The following SCP2 variants were observed in gnomAD, a reference collection of about 807,000 sequenced individuals.
The protein encoded by SCP2 is sterol carrier protein 2, also known as SCP-2/3-oxoacyl-CoA thiolase.
SCP2 carries 48 observed loss-of-function variants against 71.4 expected under a neutral mutation model. The observed-to-expected ratio is 0.67, with a 90% CI of 0.53 to 0.86. The LOEUF (loss-of-function observed/expected upper bound fraction) is 0.86. SCP2 is among the 40% of genes least tolerant of loss of function. The pLI is 0.00. For synonymous variants in SCP2, 220 were observed against 218.1 expected, an observed-to-expected ratio of 1.01 and a Z score of -0.08; for missense variants, 560 against 655.6, an observed-to-expected ratio of 0.85 and a Z score of 1.59.
chr1:53,050,012 G>A (rs1664101253), intron 15 of SCP2: 1 of 152,170 alleles, frequency 6.6e-6, no homozygotes, highest in South Asian at 2.1e-4. Context: ...TTTGTTACAT[G>A]GTAAATTTAG....
chr1:52,964,986 G>A (rs1048777154), intron 6 of SCP2, among the ~76,000 whole-genome samples: 31 of 152,054 alleles, frequency 2.0e-4, no homozygotes, highest in South Asian at 6.2e-4. Flanking sequence ...ACTCTAGCCT[G>A]GGCAACAGAG....
intron 3 of SCP2, among the ~76,000 whole-genome samples, chr1:52,950,342 G>A (rs1655178292): frequency 6.6e-6 from 1 of 152,084 alleles, no homozygotes; most frequent in Non-Finnish European, 1.5e-5. Context: ...GGATGGTTTC[G>A]ACCTCCTGAC....
chr1:52,938,403 T>C (rs1023140156), intron 1 of SCP2, among the ~76,000 whole-genome samples: 2 of 152,246 alleles, frequency 1.3e-5, no homozygotes, highest in African/African-American at 4.8e-5. Flanking sequence ...AAGCACTACA[T>C]CTTACCTAAT....
intron 6 of SCP2, among the ~76,000 whole-genome samples, chr1:52,971,705 G>A (rs957266316): frequency 1.3e-5 from 2 of 152,196 alleles, no homozygotes; most frequent in South Asian, 2.1e-4. Context: ...ACCCAGCCAG[G>A]CCTGTCCATC....
At chr1:52,950,947 A>T in intron 4 of SCP2, 61 bp downstream of exon 4, 5 of 1,505,850 alleles carry the variant, frequency 3.3e-6, no homozygotes, top group South Asian at 1.1e-5. Flanking sequence ...TAATCACACG[A>T]CCATCAGAGG....
chr1:52,942,822 C>T (rs779239589), intron 2 of SCP2, among the ~76,000 whole-genome samples: 6 of 151,450 alleles, frequency 4.0e-5, no homozygotes, highest in Non-Finnish European at 5.9e-5. Flanking sequence ...GCCTCAGCCT[C>T]CCGAGTAGCT....
intron 14 of SCP2, among the ~76,000 whole-genome samples, chr1:53,046,854 A>T (rs1663856023): frequency 6.6e-6 from 1 of 152,202 alleles, no homozygotes; most frequent in Non-Finnish European, 1.5e-5. Context: ...AGAGAACCGT[A>T]TTCATTTTCT....
chr1:52,949,903 C>G (rs1347037159), intron 3 of SCP2, among the ~76,000 whole-genome samples: 4 of 152,050 alleles, frequency 2.6e-5, no homozygotes, highest in Non-Finnish European at 5.9e-5. Context: ...ACTATTTATT[C>G]CTAATTAAAT....
chr1:52,960,480 A>ATATGTGTG (rs1287812730), intron 5 of SCP2, among the ~76,000 whole-genome samples: 4 of 139,600 alleles, frequency 2.9e-5, no homozygotes, highest in African/African-American at 1.1e-4. Flanking sequence ...TACTATGTAT[A>ATATGTGTG]TGTGTGTGTG....
At chr1:53,027,849 A>G in intron 12 of SCP2, 120 bp from the exon 13 acceptor site, 1 of 647,472 alleles carries the variant, frequency 1.5e-6, no homozygotes, top group South Asian at 1.7e-5. Context: ...TCCTTTGGAT[A>G]AGATTTGCAA....
chr1:52,948,412 G>A (rs1654995638), intron 3 of SCP2, among the ~76,000 whole-genome samples: 2 of 152,078 alleles, frequency 1.3e-5, no homozygotes, highest in African/African-American at 2.4e-5. Context: ...TTGGGAGGCC[G>A]AGGCAGGCGG....
chr1:53,014,513 A>G (rs1270444876), intron 11 of SCP2, among the ~76,000 whole-genome samples: 2 of 152,234 alleles, frequency 1.3e-5, no homozygotes, highest in African/African-American at 4.8e-5. Context: ...GAGGAAAATA[A>G]TAGGAAAAAT....
intron 6 of SCP2, among the ~76,000 whole-genome samples, chr1:52,971,761 C>T (rs777535611): frequency 1.3e-5 from 2 of 152,144 alleles, no homozygotes; most frequent in African/African-American, 2.4e-5. Context: ...TCCTTCTGGG[C>T]GTGGGGCAGG....
At chr1:53,028,629 A>G (rs972638273) in intron 13 of SCP2, among the ~76,000 whole-genome samples, 1 of 152,096 alleles carries the variant, frequency 6.6e-6, no homozygotes, top group African/African-American at 2.4e-5. Flanking sequence ...TTTTGTTTTA[A>G]CCTTTTAAAC....
Position 52,927,480 on chromosome 1 carries a change from G to A in SCP2, c.69+15G>A. ...GCATGACCAAGGTAAACCGAGCAGCGGCCCTGCTGGCCCTCTGAGGCTCGG... is the reference window on the plus strand; with the variant it reads ...GCATGACCAAGGTAAACCGAGCAGCAGCCCTGCTGGCCCTCTGAGGCTCGG... On this transcript the variant is annotated intron_variant, in intron 1 of 15. Transcript: ENST00000371514. 1 of 1,579,422 alleles carries A rather than the reference G, an allele frequency of 6.3e-7. No individual in the cohort carries two copies. Among genetic ancestry groups the A allele is most frequent in the Non-Finnish European group, 8.6e-7 (1 of 1,161,154 alleles).
At chr1:52,944,242 T>C (rs1368211820) in intron 2 of SCP2, among the ~76,000 whole-genome samples, 1 of 152,216 alleles carries the variant, frequency 6.6e-6, no homozygotes, top group Non-Finnish European at 1.5e-5. Context: ...GTTTATTCCT[T>C]AGATGTTCCT....
At position 52,977,713 on chromosome 1, in the gene SCP2, C is replaced by A. The variant is rs529975027; in HGVS notation, c.675-504C>A. Among the ~76,000 whole-genome samples the A allele has an allele frequency of 5.3e-5, 8 of 152,306 alleles. No homozygotes were observed. In the East Asian group the frequency reaches 1.4e-3, roughly 26 times the overall value. On this transcript the variant is annotated intron_variant, in intron 8 of 15. Coordinates refer to ENST00000371514, the MANE Select transcript of SCP2 (RefSeq NM_002979.5). ...TGGTAGCTCACGCCTGTAATCCCAG[C>A]ACATTGGAAGGCCGAGGCGGGCGGA... is the stretch of plus-strand genomic sequence containing the variant.
intron 2 of SCP2, among the ~76,000 whole-genome samples, chr1:52,947,080 C>T (rs1050910955): frequency 6.0e-5 from 7 of 117,490 alleles, no homozygotes; most frequent in East Asian, 2.4e-4. Flanking sequence ...AAAAAAAAAA[C>T]GGAAAATACA....
chr1:52,960,865 A>C (rs1656364669), intron 5 of SCP2, among the ~76,000 whole-genome samples: 1 of 150,058 alleles, frequency 6.7e-6, no homozygotes, highest in African/African-American at 2.5e-5. Flanking sequence ...CAGTTCTCCC[A>C]CCTCAGCCTC....
Sources: gnomAD v4.1 joint callset for allele counts (sites outside exome capture counted in the v4.1 genomes callset) on GRCh38, gnomAD v4.1.1 for gene constraint, MANE v1.5 for transcripts, NCBI Gene and HGNC (gene_info 2026-07-23, HGNC 2026-07-21) for gene names.